Variants in LRGUK observed in about 807,000 individuals in gnomAD.
LRGUK encodes leucine-rich repeat and guanylate kinase domain-containing protein.
A neutral mutation model predicts 76.0 loss-of-function variants in LRGUK; 65 were observed. That is an observed-to-expected ratio of 0.85 (90% confidence interval 0.70 to 1.05). The LOEUF (loss-of-function observed/expected upper bound fraction) is 1.05. LRGUK is among the 50% of genes least tolerant of loss of function. The probability of loss-of-function intolerance (pLI) is 0.00; values close to 1 mark genes in which losing one functional copy is unlikely to be tolerated. For missense variants in LRGUK, 758 were observed against 732.8 expected (o/e 1.03, Z -0.40); for synonymous variants, 268 against 265.6 (o/e 1.01, Z -0.09).
intron 10 of LRGUK, among the ~76,000 whole-genome samples, chr7:134,182,524 C>T (rs1337408115): frequency 3.3e-5 from 5 of 152,134 alleles, no homozygotes; most frequent in African/African-American, 1.2e-4. Context: ...ATGTGTTTCC[C>T]ATAGGCTTTT....
intron 3 of LRGUK, among the ~76,000 whole-genome samples, chr7:134,139,791 G>A (rs1797693395): frequency 6.6e-6 from 1 of 151,998 alleles, no homozygotes; most frequent in African/African-American, 2.4e-5. Flanking sequence ...TTAAGAGATC[G>A]ATCATTACTT....
Position 134,177,777 on chromosome 7 carries a change from G to T in LRGUK, c.1107+714G>T, listed in dbSNP as rs577349803. Among the ~76,000 whole-genome samples the T allele has an allele frequency of 3.7e-4, 56 of 152,342 alleles. 3 individuals carry two copies. Among genetic ancestry groups the T allele is most frequent in the African/African-American group, 1.3e-3 (55 of 41,586 alleles). ...TGCCTTTCTGAAATCTTGGTTAAAAGCAGTTACAGATGCCAGTCTGTCATT... is the reference window on the plus strand; with the variant it reads ...TGCCTTTCTGAAATCTTGGTTAAAATCAGTTACAGATGCCAGTCTGTCATT... On this transcript the variant is annotated intron_variant, in intron 9 of 15. Transcript: ENST00000645682.
intron 19 of LRGUK, among the ~76,000 whole-genome samples, chr7:134,258,681 G>A (rs1352726706): frequency 6.6e-5 from 10 of 150,898 alleles, no homozygotes; most frequent in African/African-American, 2.2e-4. Flanking sequence ...GGTAACAAGA[G>A]CAAAACTCCG....
intron 3 of LRGUK, 114 bp from the exon 4 acceptor site, chr7:134,142,948 G>T: frequency 1.7e-6 from 1 of 597,182 alleles, no homozygotes; most frequent in Non-Finnish European, 3.0e-6. Flanking sequence ...TAATTAAGAT[G>T]TCTTTGCAAC....
rs774055033 is a variant in LRGUK, at chr7:134,249,120, T to C, written c.2198+44T>C. On this transcript the variant is annotated intron_variant, in intron 18 of 19. Transcript: ENST00000285928. ...TTGGATGGAATTGGCTATTTTCTGC[T>C]GGTTAGTTAAAATTATGGTACTCAT... The C allele has an allele frequency of 9.0e-5, 136 of 1,508,596 alleles. 1 individual carries two copies. In the South Asian group the frequency reaches 1.7e-3, roughly 19 times the overall value. 93.5% of individuals were successfully genotyped at this position (1,508,596 alleles called of 1,614,324 possible).
chr7:134,172,910 TA>T (rs1799317769), intron 7 of LRGUK, among the ~76,000 whole-genome samples: 1 of 151,788 alleles, frequency 6.6e-6, no homozygotes, highest in East Asian at 1.9e-4. Flanking sequence ...TTCCTTGAGC[TA>T]GGGAGGTTGA....
chr7:134,151,698 G>A (rs1053079886), intron 5 of LRGUK, among the ~76,000 whole-genome samples: 2 of 151,998 alleles, frequency 1.3e-5, no homozygotes, highest in African/African-American at 4.8e-5. Flanking sequence ...ACCAAATTGG[G>A]TTTTTCTCAG....
rs377641312 is a variant in LRGUK at position 134,186,814 on chromosome 7, G to T, written c.1334+2961G>T. Reference sequence around the variant, plus strand: ...ATGTGAAATTTAGGTGGAGGCACAAGATGGCAAAACAGAATCCTAAAATTA... The same window carrying T: ...ATGTGAAATTTAGGTGGAGGCACAATATGGCAAAACAGAATCCTAAAATTA... On this transcript the variant is annotated intron_variant, in intron 11 of 15. Coordinates refer to ENST00000645682, the Ensembl canonical transcript of LRGUK. 5.6e-4 allele frequency among the ~76,000 whole-genome samples: 86 copies of T among 152,346 alleles called. 1 individual carries two copies. The East Asian group carries it at 7.7e-3, about 14-fold the overall frequency.
chr7:134,206,376 G>A (rs932528456), intron 15 of LRGUK, among the ~76,000 whole-genome samples: 5 of 152,038 alleles, frequency 3.3e-5, no homozygotes, highest in East Asian at 3.9e-4. Flanking sequence ...TTAGCTGGGC[G>A]TGGTGGTGCG....
intron 5 of LRGUK, among the ~76,000 whole-genome samples, chr7:134,150,270 C>G (rs1160147902): frequency 7.1e-6 from 1 of 140,208 alleles, no homozygotes. Context: ...GCCCGAGACT[C>G]TGTCTCAAAA....
At chr7:134,217,852 G>A (rs936576177) in intron 15 of LRGUK, among the ~76,000 whole-genome samples, 7 of 151,780 alleles carry the variant, frequency 4.6e-5, no homozygotes, top group African/African-American at 1.7e-4. Flanking sequence ...AATTTTACAG[G>A]TATTTACATC....
intron 14 of LRGUK, among the ~76,000 whole-genome samples, chr7:134,200,818 G>C (rs965009906): frequency 3.9e-5 from 6 of 152,080 alleles, no homozygotes; most frequent in Non-Finnish European, 7.4e-5. Context: ...TCACAGTTTC[G>C]TAGATTAGAA....
intron 18 of LRGUK, 106 bp from the exon 19 acceptor site, chr7:134,258,151 T>G: frequency 7.2e-7 from 1 of 1,387,034 alleles, no homozygotes; most frequent in South Asian, 1.3e-5. Context: ...CTAACTACTG[T>G]GAACTTGATA....
At chr7:134,167,073 C>T (rs1351590080) in intron 7 of LRGUK, among the ~76,000 whole-genome samples, 4 of 152,192 alleles carry the variant, frequency 2.6e-5, no homozygotes, top group Admixed American at 6.5e-5. Context: ...TTGATGCTCG[C>T]GTGATCAGAT....
At chr7:134,131,220 A>G (rs1797290965) in intron 1 of LRGUK, among the ~76,000 whole-genome samples, 1 of 152,236 alleles carries the variant, frequency 6.6e-6, no homozygotes, top group South Asian at 2.1e-4. Context: ...ATGAAATTTA[A>G]TAAGAAACTC....
chr7:134,183,524 A>C (rs1799846918), intron 10 of LRGUK, among the ~76,000 whole-genome samples: 1 of 152,230 alleles, frequency 6.6e-6, no homozygotes, highest in Non-Finnish European at 1.5e-5. Context: ...AATTTACGTA[A>C]GTTCATATTT....
At chr7:134,262,566 C>T (rs1563204038) in intron 19 of LRGUK, among the ~76,000 whole-genome samples, 1 of 152,206 alleles carries the variant, frequency 6.6e-6, no homozygotes, top group South Asian at 2.1e-4. Context: ...GGGACTTGAA[C>T]GGATTGAAAA....
exon 19 of LRGUK, chr7:134,258,357 C>T (rs1213311846): frequency 6.2e-7 from 1 of 1,613,950 alleles, no homozygotes; most frequent in African/African-American, 1.3e-5. Context: ...CATTTCTTCA[C>T]ACCTAGGATC....
the LRGUK span, among the ~76,000 whole-genome samples, chr7:134,270,885 A>G: frequency 6.6e-6 from 1 of 152,058 alleles, no homozygotes; most frequent in African/African-American, 2.4e-5. Flanking sequence ...CAAATATTTA[A>G]CTATCAGATA....
Sources: gnomAD v4.1 joint callset for allele counts (sites outside exome capture counted in the v4.1 genomes callset) on GRCh38, gnomAD v4.1.1 for gene constraint, MANE v1.5 for transcripts, NCBI Gene and HGNC (gene_info 2026-07-23, HGNC 2026-07-21) for gene names.